C6orf58: variants seen among roughly 807,000 people sequenced by gnomAD.
The protein encoded by C6orf58 is protein LEG1 homolog.
A neutral mutation model predicts 37.0 loss-of-function variants in C6orf58; 30 were observed. That is an observed-to-expected ratio of 0.81 (90% CI 0.61 to 1.10). The LOEUF is 1.10. C6orf58 is among the 50% of genes least tolerant of loss of function. C6orf58 has a pLI of 0.00. For synonymous variants in C6orf58, 143 were observed against 134.1 expected, an observed-to-expected ratio of 1.07 and a Z score of -0.46; for missense variants, 368 against 387.5, an observed-to-expected ratio of 0.95 and a Z score of 0.42.
chr6:127,586,109 G>A (rs1464468389), intron 4 of C6orf58, among the ~76,000 whole-genome samples: 1 of 152,086 alleles, frequency 6.6e-6, no homozygotes, highest in African/African-American at 2.4e-5. Flanking sequence ...GTGAACTGTT[G>A]TGCCAGTAAT....
intron 2 of C6orf58, 28 bp from the exon 3 acceptor site, chr6:127,580,237 A>G: frequency 1.9e-6 from 3 of 1,545,880 alleles, no homozygotes; most frequent in Non-Finnish European, 2.7e-6. Flanking sequence ...TAGTGCTTGT[A>G]GTAATAGTAA....
chr6:127,580,339 C>G lies in C6orf58; in HGVS notation c.463C>G (p.Gln155Glu), dbSNP rs1444125732. 2.5e-6 allele frequency: 4 copies of G among 1,612,688 alleles called. No homozygotes were observed. Residue 155 changes from glutamine to glutamate, a missense_variant, in exon 3 of 6, where the codon CAA becomes GAA. By Grantham distance (29) the Gln-to-Glu change is conservative (BLOSUM62 2). Coordinates refer to ENST00000329722, the MANE Select transcript of C6orf58 (RefSeq NM_001010905.3). The stretch of plus-strand genomic sequence containing the variant: ...TGGTGTAATGGGGATATCATCAGAC[C>G]AAGTCAGGCTTTTGCCCCCACCCAA... Reference protein sequence around the residue: ...DSGVMGISSDQVRLLPPPKNE... With the variant: ...DSGVMGISSDEVRLLPPPKNE...
Position 127,580,313 on chromosome 6 carries a change from C to T in C6orf58, c.437C>T (p.Ser146Phe). The T allele has an allele frequency of 6.2e-7, 1 of 1,612,590 alleles. No individual in the cohort carries two copies. Among genetic ancestry groups the T allele is most frequent in the Non-Finnish European group, 8.5e-7 (1 of 1,179,012 alleles). The change falls in exon 3 of 6, where the codon TCT becomes TTT. Residue 146 changes from serine to phenylalanine, a missense_variant. By Grantham distance (155) the Ser-to-Phe change is radical. Transcript: ENST00000329722. ...SSLPFLAAVD[S>F]GVMGISSDQV... is the part of the protein sequence containing the mutation. ...TTACCCTTTCTTGCTGCGGTTGATT[C>T]TGGTGTAATGGGGATATCATCAGAC...
rs776501618 is a variant in C6orf58, at chr6:127,578,675, C to T, written c.302-11C>T. On this transcript the variant is annotated splice_polypyrimidine_tract_variant and intron_variant, in intron 1 of 5. Coordinates refer to ENST00000329722, the MANE Select transcript of C6orf58 (RefSeq NM_001010905.3). ...TATAATAAATACGACTGTGCATCCTCTCTCCTCCAGGCAGATTAGCTGATC... is the reference window on the plus strand; with the variant it reads ...TATAATAAATACGACTGTGCATCCTTTCTCCTCCAGGCAGATTAGCTGATC... 1.2e-5 allele frequency: 19 copies of T among 1,603,614 alleles called. No individual in the cohort carries two copies. The highest frequency in any genetic ancestry group is 1.0e-4 in the Admixed American group (6 of 59,816).
At chr6:127,584,508 A>C (rs931440396) in intron 4 of C6orf58, among the ~76,000 whole-genome samples, 2 of 152,078 alleles carry the variant, frequency 1.3e-5, no homozygotes, top group Non-Finnish European at 2.9e-5. Context: ...TTTAAATGTC[A>C]GTTTTGGCTG....
At position 127,591,568 on chromosome 6, in the gene C6orf58, T is replaced by A; in HGVS notation, c.939T>A (p.Asn313Lys). ...SIGYLCTEKS[N>K]VYRDHSESSS... ...GTTATCTTTGTACAGAAAAATCTAA[T>A]GTATATAGAGATCATTCGGAATCTA... is the stretch of plus-strand genomic sequence containing the variant. Residue 313 changes from asparagine to lysine, a missense_variant, in exon 6 of 6, where the codon AAT becomes AAA. Transcript: ENST00000329722. The A allele has an allele frequency of 3.3e-6, 5 of 1,523,302 alleles. No homozygotes were observed. Among genetic ancestry groups the A allele is most frequent in the Non-Finnish European group, 4.4e-6 (5 of 1,143,200 alleles). The allele number at this position is 1,523,302 out of a possible 1,614,324, so 94.4% of individuals were successfully genotyped here. A position where few individuals can be genotyped will look rare whatever the true frequency, so the allele number is the denominator to read the frequency against.
intron 4 of C6orf58, among the ~76,000 whole-genome samples, chr6:127,583,737 A>T (rs993526816): frequency 6.6e-6 from 1 of 152,154 alleles, no homozygotes; most frequent in Non-Finnish European, 1.5e-5. Context: ...TAGAACATGG[A>T]AAATCTGGTT....
rs1177683214 is a variant in C6orf58, at chr6:127,590,120, T to C, written c.708T>C (p.Phe236=). 1 of 1,613,318 alleles carries C rather than the reference T, an allele frequency of 6.2e-7. No homozygotes were observed. Among genetic ancestry groups the C allele is most frequent in the Non-Finnish European group, 8.5e-7 (1 of 1,179,434 alleles). ...YDYYSKAEAH[F]ERSWVLAVDH... is the part of the protein sequence containing the mutation. ...ATTATTCTAAAGCAGAAGCGCATTTTGAGAGAAGTTGGGTACTGGCTGTGG... is the reference window on the plus strand; with the variant it reads ...ATTATTCTAAAGCAGAAGCGCATTTCGAGAGAAGTTGGGTACTGGCTGTGG... The change falls in exon 5 of 6, where the codon TTT becomes TTC. Residue 236 remains phenylalanine, a synonymous_variant. Coordinates refer to ENST00000329722, the MANE Select transcript of C6orf58 (RefSeq NM_001010905.3).
At chr6:127,583,397 A>G (rs1430596132) in intron 4 of C6orf58, among the ~76,000 whole-genome samples, 1 of 152,192 alleles carries the variant, frequency 6.6e-6, no homozygotes. Flanking sequence ...TAGACAGAAA[A>G]GAAACATGGG....
chr6:127,578,690 A>G lies in C6orf58; in HGVS notation c.306A>G (p.Arg102=). 2 of 1,611,716 alleles carry G rather than the reference A, an allele frequency of 1.2e-6. No homozygotes were observed. The highest frequency in any genetic ancestry group is 1.7e-6 in the Non-Finnish European group (2 of 1,178,118). Residue 102 remains arginine (R), a synonymous_variant, in exon 2 of 6, where the codon AGA becomes AGG. Coordinates refer to ENST00000329722, the MANE Select transcript of C6orf58 (RefSeq NM_001010905.3). ...LQYGWQYRTG[R]LADPTRRTNC... ...TGTGCATCCTCTCTCCTCCAGGCAG[A>G]TTAGCTGATCCAACCCGAAGGACAA... is the stretch of plus-strand genomic sequence containing the variant.
At chr6:127,581,571 T>C in intron 4 of C6orf58, among the ~76,000 whole-genome samples, 1 of 151,230 alleles carries the variant, frequency 6.6e-6, no homozygotes, top group Non-Finnish European at 1.5e-5. Flanking sequence ...AAATATAATA[T>C]AAATATGTAG....
intron 5 of C6orf58, among the ~76,000 whole-genome samples, chr6:127,591,023 C>T (rs887550570): frequency 5.3e-5 from 8 of 152,054 alleles, no homozygotes; most frequent in Non-Finnish European, 7.4e-5. Flanking sequence ...ACCTCTGCAT[C>T]AGTTAGAGTA....
Position 127,580,419 on chromosome 6 carries a change from G to T in C6orf58, c.543G>T (p.Glu181Asp), listed in dbSNP as rs1410864488. 7.4e-6 allele frequency: 12 copies of T among 1,612,718 alleles called. No individual in the cohort carries two copies. Among genetic ancestry groups the T allele is most frequent in the Non-Finnish European group, 1.0e-5 (12 of 1,179,060 alleles). Residue 181 changes from glutamate to aspartate, a missense_variant, in exon 3 of 6, where the codon GAG (glutamate) becomes GAT (aspartate). By Grantham distance (45) the Glu-to-Asp change is conservative. Transcript: ENST00000329722. ...DVSSCRSSFP[E>D]TMNKWNTFYQ... ...CTAGCTGTCGTTCATCCTTCCCTGA[G>T]ACAATGAACAAGTGGAACACCTTTT...
Position 127,581,230 on chromosome 6 carries a change from T to C in C6orf58, c.622T>C (p.Trp208Arg), listed in dbSNP as rs900653896. ...SKFDDLLKYL[W>R]AAHTSTLADN... is the part of the protein sequence containing the mutation. ...GTTTGATGATCTGTTGAAGTACTTA[T>C]GGGCTGCACACACTTCAACCTTGGC... The change falls in exon 4 of 6, where the codon TGG becomes CGG. Residue 208 changes from tryptophan to arginine, a missense_variant. Trp to Arg is a moderately radical substitution (Grantham distance 101). Coordinates refer to ENST00000329722, the MANE Select transcript of C6orf58 (RefSeq NM_001010905.3). 1 of 1,545,248 alleles carries C rather than the reference T, an allele frequency of 6.5e-7. No homozygotes were observed. Among genetic ancestry groups the C allele is most frequent in the South Asian group, 1.3e-5 (1 of 77,776 alleles).
At chr6:127,587,976 A>G (rs1447666614) in intron 4 of C6orf58, among the ~76,000 whole-genome samples, 2 of 152,230 alleles carry the variant, frequency 1.3e-5, no homozygotes, top group Non-Finnish European at 2.9e-5. Flanking sequence ...TTTGTTTGAA[A>G]GAAAGCAGCC....
At chr6:127,578,577 G>A in intron 1 of C6orf58, 109 bp from the exon 2 acceptor site, 4 of 650,892 alleles carry the variant, frequency 6.1e-6, no homozygotes, top group Non-Finnish European at 1.1e-5. Context: ...ATATCATTCA[G>A]AAATAAATGC....
chr6:127,581,613 T>C (rs1247651124), intron 4 of C6orf58, among the ~76,000 whole-genome samples: 1 of 152,080 alleles, frequency 6.6e-6, no homozygotes, highest in Non-Finnish European at 1.5e-5. Flanking sequence ...TAGACACTGT[T>C]ACAAGAAAAA....
intron 4 of C6orf58, among the ~76,000 whole-genome samples, chr6:127,586,590 G>A (rs970873817): frequency 6.6e-6 from 1 of 152,186 alleles, no homozygotes. Context: ...GGATCTCTGG[G>A]GACCCCTTTT....
chr6:127,577,497 C>T lies in C6orf58; in HGVS notation c.301+11C>T. 1.9e-6 allele frequency: 3 copies of T among 1,610,904 alleles called. No homozygotes were observed. Among genetic ancestry groups the T allele is most frequent in the Non-Finnish European group, 2.5e-6 (3 of 1,177,578 alleles). ...GGCAATATAGGACAGGTAAGAATGA[C>T]TCTTGTTTTCATTGTAATGATCTAC... On this transcript the variant is annotated intron_variant, in intron 1 of 5. Coordinates refer to ENST00000329722, the MANE Select transcript of C6orf58 (RefSeq NM_001010905.3).
Sources: gnomAD v4.1 joint callset for allele counts (sites outside exome capture counted in the v4.1 genomes callset) on GRCh38, gnomAD v4.1.1 for gene constraint, MANE v1.5 for transcripts, NCBI Gene and HGNC (gene_info 2026-07-23, HGNC 2026-07-21) for gene names.